Variants in CCN4 observed in about 807,000 individuals in gnomAD.
CCN4 encodes cellular communication network factor 4.
CCN4 carries 30 observed loss-of-function variants against 36.7 expected under a neutral mutation model. The observed-to-expected ratio is 0.82, with a 90% CI of 0.61 to 1.11. The LOEUF (loss-of-function observed/expected upper bound fraction) is 1.11, where lower values mean the gene tolerates loss of function less well. Ranked by LOEUF, CCN4 falls within the 50% of genes least tolerant of loss-of-function variation. The probability of loss-of-function intolerance (pLI) is 0.00; values close to 1 mark genes in which losing one functional copy is unlikely to be tolerated. For missense variants in CCN4, 505 were observed against 504.9 expected, an observed-to-expected ratio of 1.00 and a Z score of 0.00; for synonymous variants, 191 against 195.4, an observed-to-expected ratio of 0.98 and a Z score of 0.19.
rs541146609 is a variant in CCN4, at chr8:133,223,430, T to A, written c.611-1960T>A. Among the ~76,000 whole-genome samples the A allele has an allele frequency of 3.3e-5, 5 of 152,236 alleles. No homozygotes were observed. In the South Asian group the frequency reaches 1.0e-3, roughly 32 times the overall value. On this transcript the variant is annotated intron_variant, in intron 3 of 4. Transcript: ENST00000250160. Reference sequence around the variant, plus strand: ...GTCCTTGGATGCCTCCCATTTCAGGTCTTTCCCTCTCTCACTCAGTGATTC... The same window carrying A: ...GTCCTTGGATGCCTCCCATTTCAGGACTTTCCCTCTCTCACTCAGTGATTC...
chr8:133,208,944 G>C (rs934461437), intron 1 of CCN4, among the ~76,000 whole-genome samples: 59 of 152,258 alleles, frequency 3.9e-4, no homozygotes, highest in African/African-American at 1.4e-3. Flanking sequence ...CATTGTTATA[G>C]CATTGATTGC....
chr8:133,210,436 T>C (rs1853973851), intron 1 of CCN4, among the ~76,000 whole-genome samples: 2 of 151,046 alleles, frequency 1.3e-5, no homozygotes, highest in African/African-American at 4.9e-5. Context: ...CTGATTCGGA[T>C]ATGTAGGGTT....
At chr8:133,218,914 G>A (rs1018948027) in intron 2 of CCN4, among the ~76,000 whole-genome samples, 11 of 152,168 alleles carry the variant, frequency 7.2e-5, no homozygotes, top group African/African-American at 1.9e-4. Flanking sequence ...AAAGAGGACA[G>A]AGCATCTTCC....
At chr8:133,194,669 A>G (rs1406614872) in intron 1 of CCN4, among the ~76,000 whole-genome samples, 424 of 17,312 alleles carry the variant, frequency 0.024, no homozygotes, top group East Asian at 0.036. Context: ...GTGGTGGGGG[A>G]TGTGGTGTGT....
rs1854895689 is a variant in CCN4 at position 133,229,941 on chromosome 8, G to T, written c.*2231G>T. Reference sequence around the variant, plus strand: ...CAGTGTGAATCATGTTAGATTTTCTGAGAGTGAAAACACCTGCCATCTACA... The same window carrying T: ...CAGTGTGAATCATGTTAGATTTTCTTAGAGTGAAAACACCTGCCATCTACA... On this transcript the variant is annotated 3_prime_UTR_variant, in exon 5 of 5. Coordinates refer to ENST00000250160, the MANE Select transcript of CCN4 (RefSeq NM_003882.4). 1 of 152,204 alleles carries T rather than the reference G, an allele frequency of 6.6e-6. No homozygotes were observed. The highest frequency in any genetic ancestry group is 2.4e-5 in the African/African-American group (1 of 41,466). 9.4% of individuals were successfully genotyped at this position (152,204 alleles called of 1,614,324 possible). A position where few individuals can be genotyped will look rare whatever the true frequency, so the allele number is the denominator to read the frequency against.
rs946092797 is a variant in CCN4, at chr8:133,228,083, C to T, written c.*373C>T. On this transcript the variant is annotated 3_prime_UTR_variant, in exon 5 of 5. Transcript: ENST00000250160. ...CTTCTTTAGATGCCAAACCACAAGA[C>T]TCTTTGGGTCCATTCAGATGAATAG... is the stretch of plus-strand genomic sequence containing the variant. The T allele has an allele frequency of 2.1e-5, 4 of 191,076 alleles. No homozygotes were observed. The highest frequency in any genetic ancestry group is 9.4e-5 in the African/African-American group (4 of 42,600). 11.8% of individuals were successfully genotyped at this position (191,076 alleles called of 1,614,324 possible).
intron 2 of CCN4, among the ~76,000 whole-genome samples, chr8:133,217,640 C>A (rs7826828): frequency 0.59 from 89,203 of 151,924 alleles, 26,284 homozygotes; most frequent in Middle Eastern, 0.67. Flanking sequence ...GAGAGACTGG[C>A]GCGCCTTCTA....
At chr8:133,227,261 T>C (rs71526276) in intron 4 of CCN4, 150 bp from the exon 5 acceptor site, 1 of 711,116 alleles carries the variant, frequency 1.4e-6, no homozygotes, top group African/African-American at 1.8e-5. Context: ...GTGTTTGCTG[T>C]TGTCCCTCCT....
rs199720964 is a variant in CCN4, at chr8:133,212,857, C to T, written c.70-7C>T. ...AGCCCCCCTTTCCCTCTGCCCTCCCCCCGCAGGCCCTCTCTCCAGCCCCTA... is the reference window on the plus strand; with the variant it reads ...AGCCCCCCTTTCCCTCTGCCCTCCCTCCGCAGGCCCTCTCTCCAGCCCCTA... On this transcript the variant is annotated splice_region_variant and splice_polypyrimidine_tract_variant and intron_variant, in intron 1 of 4. Coordinates refer to ENST00000250160, the MANE Select transcript of CCN4 (RefSeq NM_003882.4). 1.3e-6 allele frequency: 2 copies of T among 1,563,450 alleles called. No homozygotes were observed. The highest frequency in any genetic ancestry group is 2.2e-4 in the Middle Eastern group (1 of 4,534).
At chr8:133,207,994 GT>G (rs33983896) in intron 1 of CCN4, among the ~76,000 whole-genome samples, 73,157 of 141,582 alleles carry the variant, frequency 0.52, 19,569 homozygotes, top group Middle Eastern at 0.68. Context: ...CCTTTCAGCT[GT>G]TTTTTTTTTT....
In CCN4 at chr8:133,227,766, C is replaced by G; in HGVS notation, c.*56C>G. The G allele has an allele frequency of 6.4e-7, 1 of 1,554,452 alleles. No homozygotes were observed. The highest frequency in any genetic ancestry group is 8.7e-7 in the Non-Finnish European group (1 of 1,147,950). On this transcript the variant is annotated 3_prime_UTR_variant, in exon 5 of 5. Transcript: ENST00000250160. ...ACCCAATGCCTGTGAAGCAGTCAGC[C>G]CTTATGGCCAATAACTTTTCACCAA...
In CCN4 at chr8:133,191,078, G is replaced by T. The variant is rs1422437524; in HGVS notation, c.-67G>T. On this transcript the variant is annotated 5_prime_UTR_variant, in exon 1 of 5. Coordinates refer to ENST00000250160, the MANE Select transcript of CCN4 (RefSeq NM_003882.4). Reference sequence around the variant, plus strand: ...TGATGGGCCGGCCAGTCTGGGCCCAGCTCCCCCGAGAGGTGGTCGGATCCT... The same window carrying T: ...TGATGGGCCGGCCAGTCTGGGCCCATCTCCCCCGAGAGGTGGTCGGATCCT... 6.4e-7 allele frequency: 1 copy of T among 1,573,532 alleles called. No homozygotes were observed. Among genetic ancestry groups the T allele is most frequent in the Non-Finnish European group, 8.6e-7 (1 of 1,158,178 alleles).
chr8:133,210,848 G>T (rs976972115), intron 1 of CCN4, among the ~76,000 whole-genome samples: 14 of 152,210 alleles, frequency 9.2e-5, no homozygotes, highest in African/African-American at 3.4e-4. Context: ...AGCGAGTCAG[G>T]AGAGTCCGCC....
intron 2 of CCN4, among the ~76,000 whole-genome samples, chr8:133,216,585 A>G (rs1854329074): frequency 6.6e-6 from 1 of 152,238 alleles, no homozygotes; most frequent in Non-Finnish European, 1.5e-5. Flanking sequence ...GCCAAACTAA[A>G]TACATCTGTG....
intron 1 of CCN4, among the ~76,000 whole-genome samples, chr8:133,212,596 A>T (rs1033100966): frequency 3.3e-5 from 5 of 152,156 alleles, no homozygotes; most frequent in African/African-American, 1.2e-4. Context: ...AAAGGAAAGG[A>T]GCAGGGTCTG....
Position 133,229,481 on chromosome 8 carries a change from AC to A in CCN4, c.*1773del, listed in dbSNP as rs1276176533. 6.6e-6 allele frequency: 1 copy of A among 152,332 alleles called. No homozygotes were observed. The highest frequency in any genetic ancestry group is 2.4e-5 in the African/African-American group (1 of 41,582). 9.4% of individuals were successfully genotyped at this position (152,332 alleles called of 1,614,324 possible). A position where few individuals can be genotyped will look rare whatever the true frequency, so the allele number is the denominator to read the frequency against. ...AGCTTATTCCCTCTTTCCCATCGGA[AC>A]CAGCTCTCATCACACATTTAAAAGA... is the stretch of plus-strand genomic sequence containing the variant. On this transcript the variant is annotated 3_prime_UTR_variant, in exon 5 of 5. Coordinates refer to ENST00000250160, the MANE Select transcript of CCN4 (RefSeq NM_003882.4).
At position 133,220,967 on chromosome 8, in the gene CCN4, G is replaced by T. The variant is rs185564815; in HGVS notation, c.610+126G>T. ...CTACCTACTAGCTTTGTGACCTTGA[G>T]AAAGTCATACCTCCCCTGAGACCCT... On this transcript the variant is annotated intron_variant, in intron 3 of 4. Coordinates refer to ENST00000250160, the MANE Select transcript of CCN4 (RefSeq NM_003882.4). The T allele has an allele frequency of 2.5e-4, 325 of 1,301,686 alleles. 1 individual carries two copies. In the East Asian group the frequency reaches 7.4e-3, roughly 30 times the overall value. The allele number at this position is 1,301,686 out of a possible 1,614,324, so 80.6% of individuals were successfully genotyped here. A position where few individuals can be genotyped will look rare whatever the true frequency, so the allele number is the denominator to read the frequency against.
intron 1 of CCN4, among the ~76,000 whole-genome samples, chr8:133,198,689 T>C (rs1421536325): frequency 1.3e-5 from 2 of 152,252 alleles, no homozygotes; most frequent in African/African-American, 2.4e-5. Flanking sequence ...CATCTTCCAG[T>C]GGGCACCCAT....
At chr8:133,203,536 A>G (rs988841566) in intron 1 of CCN4, among the ~76,000 whole-genome samples, 2 of 152,152 alleles carry the variant, frequency 1.3e-5, no homozygotes, top group Admixed American at 1.3e-4. Flanking sequence ...TGAACTAGGG[A>G]TGACACTAAT....
Sources: gnomAD v4.1 joint callset for allele counts (sites outside exome capture counted in the v4.1 genomes callset) on GRCh38, gnomAD v4.1.1 for gene constraint, MANE v1.5 for transcripts, NCBI Gene and HGNC (gene_info 2026-07-23, HGNC 2026-07-21) for gene names.